The following ZNF138 variants were observed in gnomAD, a reference collection of about 807,000 sequenced individuals.
ZNF138 encodes zinc finger protein 138, also known as zinc finger protein 138 (clone pHZ-32).
In ZNF138, 33 loss-of-function variants were observed where a neutral mutation model predicts 33.0. The ratio of observed to expected loss-of-function variants is 1.00; its 90% CI spans 0.76 to 1.34. The LOEUF (loss-of-function observed/expected upper bound fraction) is 1.34. Among genes scored for constraint, ZNF138 ranks in the 40% most tolerant of loss-of-function variants. The probability of loss-of-function intolerance (pLI) is 0.00; values close to 1 mark genes in which losing one functional copy is unlikely to be tolerated. For synonymous variants in ZNF138, 139 were observed against 120.4 expected (o/e 1.15, Z -1.01); for missense variants, 360 against 370.8 (o/e 0.97, Z 0.24).
chr7:64,825,317 C>T lies in ZNF138; in HGVS notation c.209-6134C>T, dbSNP rs186780389. Reference sequence around the variant, plus strand: ...CCTCCCAAGTAGCTGGGACTACAGGCGCCCGCCAACAGGGCCGGCTAATTT... The same window carrying T: ...CCTCCCAAGTAGCTGGGACTACAGGTGCCCGCCAACAGGGCCGGCTAATTT... On this transcript the variant is annotated intron_variant, in intron 3 of 3. Transcript: ENST00000307355. 3.8e-3 allele frequency among the ~76,000 whole-genome samples: 564 copies of T among 149,448 alleles called. 3 individuals are homozygous for T. Among genetic ancestry groups the T allele is most frequent in the African/African-American group, 0.013 (516 of 40,646 alleles).
chr7:64,831,397 A>G (rs1583900892), intron 3 of ZNF138, 54 bp from the exon 4 acceptor site: 1 of 1,414,888 alleles, frequency 7.1e-7, no homozygotes, highest in East Asian at 2.3e-5. Flanking sequence ...TTTGTAAAGT[A>G]TATTCATCTG....
the ZNF138 span, among the ~76,000 whole-genome samples, chr7:64,842,878 A>G: frequency 6.6e-6 from 1 of 152,366 alleles, no homozygotes; most frequent in Admixed American, 6.5e-5. Flanking sequence ...CTACAAATAC[A>G]TTATTTTGAT....
chr7:64,829,844 T>G (rs1345545503), intron 3 of ZNF138, among the ~76,000 whole-genome samples: 1 of 150,852 alleles, frequency 6.6e-6, no homozygotes, highest in Non-Finnish European at 1.5e-5. Context: ...ATTTTGTGTA[T>G]ATGCATGTCT....
At chr7:64,852,945 T>C in the ZNF138 span, 24 of 1,268,704 alleles carry the variant, frequency 1.9e-5, no homozygotes, top group Non-Finnish European at 2.2e-5. Flanking sequence ...GGCATCACTT[T>C]ATCCATTTCC....
chr7:64,859,576 C>T, the ZNF138 span, among the ~76,000 whole-genome samples: 1 of 152,124 alleles, frequency 6.6e-6, no homozygotes, highest in Non-Finnish European at 1.5e-5. Context: ...ATACATTCAC[C>T]ATTAATCCAG....
chr7:64,800,419 A>G (rs147138871), intron 1 of ZNF138, among the ~76,000 whole-genome samples: 1 of 152,148 alleles, frequency 6.6e-6, no homozygotes, highest in Non-Finnish European at 1.5e-5. Flanking sequence ...TTTTTTTGAA[A>G]GCTCCTGCAT....
chr7:64,852,360 T>C, the ZNF138 span: 1 of 1,343,484 alleles, frequency 7.4e-7, no homozygotes, highest in East Asian at 2.3e-5. Context: ...TAGATCTATT[T>C]AAAAACAAAA....
rs921290916 is a variant in ZNF138, at chr7:64,832,296, A to G, written c.*94A>G. 6.3e-7 allele frequency: 1 copy of G among 1,587,544 alleles called. No homozygotes were observed. Reference sequence around the variant, plus strand: ...CTTTAACCAGTTTTCAACCCTTATTACACATAAGATAATTCATAGCGGAGA... The same window carrying G: ...CTTTAACCAGTTTTCAACCCTTATTGCACATAAGATAATTCATAGCGGAGA... On this transcript the variant is annotated 3_prime_UTR_variant, in exon 4 of 4. Coordinates refer to ENST00000307355, the MANE Select transcript of ZNF138 (RefSeq NM_001271639.2).
At chr7:64,826,209 G>GT (rs879703715) in intron 3 of ZNF138, among the ~76,000 whole-genome samples, 3 of 151,784 alleles carry the variant, frequency 2.0e-5, no homozygotes. Context: ...GTTTCCTGTA[G>GT]TTTTTTTTCT....
chr7:64,852,570 G>A, the ZNF138 span: 35 of 1,558,844 alleles, frequency 2.2e-5, no homozygotes, highest in East Asian at 2.5e-4. Context: ...GCACAGAACC[G>A]AGCTGTTTGC....
chr7:64,842,279 G>A, the ZNF138 span, among the ~76,000 whole-genome samples: 1 of 148,742 alleles, frequency 6.7e-6, no homozygotes, highest in Non-Finnish European at 1.5e-5. Context: ...GGCCAGGCTG[G>A]TCTCGAACTC....
intron 3 of ZNF138, among the ~76,000 whole-genome samples, chr7:64,816,545 G>A (rs905667739): frequency 6.6e-6 from 1 of 151,512 alleles, no homozygotes; most frequent in African/African-American, 2.4e-5. Flanking sequence ...TTTATATTTC[G>A]GTAATTTACT....
chr7:64,808,348 T>C (rs943000198), intron 1 of ZNF138, among the ~76,000 whole-genome samples: 1 of 152,166 alleles, frequency 6.6e-6, no homozygotes, highest in Non-Finnish European at 1.5e-5. Context: ...ATTGCTTGCA[T>C]TTCCTATGGC....
chr7:64,815,552 C>A, intron 2 of ZNF138, 24 bp from the exon 3 acceptor site: 10 of 1,595,614 alleles, frequency 6.3e-6, no homozygotes, highest in Non-Finnish European at 8.6e-6. Context: ...TTTAATAAAA[C>A]AAGTATTGCT....
Position 64,831,585 on chromosome 7 carries a change from G to A in ZNF138, c.343G>A (p.Asp115Asn), listed in dbSNP as rs777159071. The stretch of plus-strand genomic sequence containing the variant: ...GTTAAGAAAAGGCTGTAAAAGTGTG[G>A]ATGAGTGTAAGGGACACCAAGGAGG... ...LQLRKGCKSV[D>N]ECKGHQGGFN... The change falls in exon 4 of 4, where the codon GAT becomes AAT. Residue 115 changes from aspartate to asparagine, a missense_variant. By Grantham distance (23) the Asp-to-Asn change is conservative. Transcript: ENST00000307355. The A allele has an allele frequency of 6.2e-7, 1 of 1,613,508 alleles. No individual in the cohort carries two copies. Among genetic ancestry groups the A allele is most frequent in the African/African-American group, 1.3e-5 (1 of 74,914 alleles).
Position 64,832,755 on chromosome 7 carries a change from T to G in ZNF138, c.*553T>G. On this transcript the variant is annotated 3_prime_UTR_variant, in exon 4 of 4. Transcript: ENST00000307355. ...TCATACTGGAGAGAAACCTTACAAA[T>G]GTGAGGAATGTGGCAAAGGTTTTAG... is the stretch of plus-strand genomic sequence containing the variant. 2.2e-6 allele frequency: 1 copy of G among 453,514 alleles called. No homozygotes were observed. Among genetic ancestry groups the G allele is most frequent in the South Asian group, 1.7e-5 (1 of 58,132 alleles). The allele number at this position is 453,514 out of a possible 1,614,324, so 28.1% of individuals were successfully genotyped here.
intron 3 of ZNF138, among the ~76,000 whole-genome samples, chr7:64,823,321 G>T (rs1194571892): frequency 6.6e-6 from 1 of 151,974 alleles, no homozygotes; most frequent in African/African-American, 2.4e-5. Context: ...CACAGTGTAT[G>T]ATTTTGGTTT....
At chr7:64,855,376 A>C in the ZNF138 span, among the ~76,000 whole-genome samples, 1 of 152,240 alleles carries the variant, frequency 6.6e-6, no homozygotes, top group Non-Finnish European at 1.5e-5. Flanking sequence ...GAGACGCTTA[A>C]ATGTCAACAA....
Position 64,831,953 on chromosome 7 carries a change from C to G in ZNF138, c.711C>G (p.Ile237Met). 2.5e-6 allele frequency: 4 copies of G among 1,613,272 alleles called. No individual in the cohort carries two copies. Among genetic ancestry groups the G allele is most frequent in the Non-Finnish European group, 3.4e-6 (4 of 1,179,672 alleles). The change falls in exon 4 of 4, where the codon ATC becomes ATG. Residue 237 changes from isoleucine to methionine, a missense_variant. Ile to Met is a conservative substitution (Grantham distance 10). Coordinates refer to ENST00000307355, the MANE Select transcript of ZNF138 (RefSeq NM_001271639.2). ...GAAAAGCCTTTCACCAATCCTCAAT[C>G]CTTACTAAACATAAGATAATTCGTA... ...VCGKAFHQSS[I>M]LTKHKIIRTG...
Sources: allele counts gnomAD v4.1 joint callset (sites outside exome capture counted in the v4.1 genomes callset), GRCh38; gene constraint gnomAD v4.1.1; transcripts MANE v1.5; gene names NCBI Gene and HGNC (gene_info 2026-07-23, HGNC 2026-07-21).